Variants in DUOX1 observed in about 807,000 individuals in gnomAD.
DUOX1 encodes the protein NADPH thyroid oxidase 1.
In DUOX1, 134 loss-of-function variants were observed where a neutral mutation model predicts 181.8. That is an observed-to-expected ratio of 0.74 (90% CI 0.64 to 0.85). The LOEUF is 0.85. DUOX1 is among the 40% of genes least tolerant of loss of function. DUOX1 has a pLI of 0.00. For missense variants in DUOX1, 1,814 were observed against 2,064.4 expected (o/e 0.88, Z 2.35); for synonymous variants, 798 against 832.5 (o/e 0.96, Z 0.71).
intron 28 of DUOX1, among the ~76,000 whole-genome samples, chr15:45,159,700 G>T (rs1197375256): frequency 6.6e-6 from 1 of 152,198 alleles, no homozygotes; most frequent in Non-Finnish European, 1.5e-5. Context: ...TCTTAGCCTG[G>T]AAAAGGAGAG....
chr15:45,162,444 C>A (rs755831206), intron 31 of DUOX1, 67 bp downstream of exon 31: 51 of 1,557,442 alleles, frequency 3.3e-5, no homozygotes, highest in Non-Finnish European at 4.4e-5. Flanking sequence ...CCCATCTGTG[C>A]CTTTCTCCTC....
Position 45,152,274 on chromosome 15 carries a change from C to A in DUOX1, c.3194-12C>A. ...ACTGACCCTCGCTTGCCTGCCTGGG[C>A]CCCCTCCACAGACTACGCCTTTGCC... is the stretch of plus-strand genomic sequence containing the variant. On this transcript the variant is annotated splice_polypyrimidine_tract_variant and intron_variant, in intron 24 of 33. Coordinates refer to ENST00000389037, the MANE Select transcript of DUOX1 (RefSeq NM_175940.3). 6.2e-7 allele frequency: 1 copy of A among 1,610,070 alleles called. No homozygotes were observed. The highest frequency in any genetic ancestry group is 8.5e-7 in the Non-Finnish European group (1 of 1,177,478).
intron 9 of DUOX1, among the ~76,000 whole-genome samples, chr15:45,137,529 T>C (rs1896356725): frequency 6.6e-6 from 1 of 152,142 alleles, no homozygotes; most frequent in Non-Finnish European, 1.5e-5. Context: ...CCTGATGATG[T>C]CTGAGAAATA....
intron 18 of DUOX1, among the ~76,000 whole-genome samples, chr15:45,146,794 G>A (rs535153323): frequency 6.6e-6 from 1 of 152,308 alleles, no homozygotes; most frequent in Non-Finnish European, 1.5e-5. Flanking sequence ...GGAAAGACAG[G>A]TACTGTGGCC....
At chr15:45,142,191 C>G in intron 15 of DUOX1, 79 bp downstream of exon 15, 1 of 1,427,930 alleles carries the variant, frequency 7.0e-7, no homozygotes, top group Non-Finnish European at 9.7e-7. Flanking sequence ...CTAATGACAA[C>G]AAACCACGCA....
intron 5 of DUOX1, 24 bp downstream of exon 5, chr15:45,135,315 A>G (rs1385624175): frequency 3.8e-6 from 6 of 1,575,066 alleles, no homozygotes; most frequent in Non-Finnish European, 5.2e-6. Context: ...GGCGGCGGGA[A>G]GGGACCGCAC....
At chr15:45,149,524 A>ATT (rs3837721) in intron 21 of DUOX1, among the ~76,000 whole-genome samples, 1 of 151,930 alleles carries the variant, frequency 6.6e-6, no homozygotes, top group Non-Finnish European at 1.5e-5. Context: ...TTGACTCCAG[A>ATT]TTTTTTTTAT....
intron 30 of DUOX1, 72 bp from the exon 31 acceptor site, chr15:45,162,147 T>G: frequency 1.3e-6 from 2 of 1,557,330 alleles, no homozygotes; most frequent in Non-Finnish European, 1.7e-6. Context: ...CTACCTTTCC[T>G]TTTCTCTCAT....
chr15:45,159,168 G>A, intron 28 of DUOX1, among the ~76,000 whole-genome samples: 1 of 152,366 alleles, frequency 6.6e-6, no homozygotes, highest in Admixed American at 6.5e-5. Flanking sequence ...AGGGCATTAG[G>A]TGGTGGCAGG....
chr15:45,152,236 C>T, intron 24 of DUOX1, 50 bp from the exon 25 acceptor site: 1 of 1,555,982 alleles, frequency 6.4e-7, no homozygotes, highest in Non-Finnish European at 8.7e-7. Flanking sequence ...CTAACCAGCT[C>T]TCTGTCCTCT....
rs777192034 is a variant in DUOX1 at position 45,139,388 on chromosome 15, C to T, written c.1217-39C>T. On this transcript the variant is annotated intron_variant, in intron 11 of 33. Transcript: ENST00000389037. ...CCTGGACTGGACACTGCTGTGGTGG[C>T]CCTGAGCTCCCTCAGACTGTCTGGT... 3.1e-6 allele frequency: 5 copies of T among 1,603,398 alleles called. 1 individual carries two copies. In the South Asian group the frequency reaches 5.6e-5, roughly 18 times the overall value.
chr15:45,147,469 C>T lies in DUOX1; in HGVS notation c.2359C>T (p.Pro787Ser), dbSNP rs756073462. The change falls in exon 19 of 34, where the codon CCC becomes TCC. Residue 787 changes from proline to serine, a missense_variant. Physicochemically the swap from Pro to Ser is moderately conservative, Grantham distance 74 (BLOSUM62 -1). Coordinates refer to ENST00000389037, the MANE Select transcript of DUOX1 (RefSeq NM_175940.3). ...CAACCAGGCCGACGCAGGGACCCTG[C>T]CCCTGGACTCCTCCCAGAAGGTGCG... ...DINQADAGTL[P>S]LDSSQKVREA... is the part of the protein sequence containing the mutation. 20 of 1,613,900 alleles carry T rather than the reference C, an allele frequency of 1.2e-5. 1 individual carries two copies. In the South Asian group the frequency reaches 2.2e-4, roughly 18 times the overall value.
chr15:45,139,787 C>A, intron 12 of DUOX1, 188 bp downstream of exon 12: 1 of 726,258 alleles, frequency 1.4e-6, no homozygotes, highest in Non-Finnish European at 2.2e-6. Flanking sequence ...CAAGATTTGG[C>A]TTTGCACTCG....
chr15:45,148,117 C>T lies in DUOX1; in HGVS notation c.2642+120C>T. ...GGAAGCCTCCTCCTTACCCATGTAA[C>T]CAGAGGCTGTTCAAACTAGCAGGGG... On this transcript the variant is annotated intron_variant, in intron 20 of 33. Coordinates refer to ENST00000389037, the MANE Select transcript of DUOX1 (RefSeq NM_175940.3). 2.8e-6 allele frequency: 4 copies of T among 1,422,858 alleles called. No homozygotes were observed. In the South Asian group the frequency reaches 4.7e-5, roughly 17 times the overall value. The allele number at this position is 1,422,858 out of a possible 1,614,324, so 88.1% of individuals were successfully genotyped here. A position where few individuals can be genotyped will look rare whatever the true frequency, so the allele number is the denominator to read the frequency against.
rs544840824 is a variant in DUOX1 at position 45,136,609 on chromosome 15, C to G, written c.1006C>G (p.Pro336Ala). Residue 336 changes from proline (P) to alanine (A), a missense_variant, in exon 9 of 34, where the codon CCT (proline) becomes GCT (alanine). Pro to Ala is a conservative substitution (Grantham distance 27, BLOSUM62 -1). This residue lies in a region of DUOX1 where 1,064 missense variants were observed against 1,152.9 expected (regional missense o/e 0.92). Transcript: ENST00000389037. The part of the protein sequence containing the change: ...SEQFLSTMVP[P>A]GVYMRNASCH... ...GCAGTTCCTGTCCACCATGGTGCCCCCTGGCGTCTACATGAGGTGAGGGAG... is the reference window on the plus strand; with the variant it reads ...GCAGTTCCTGTCCACCATGGTGCCCGCTGGCGTCTACATGAGGTGAGGGAG... 6.2e-7 allele frequency: 1 copy of G among 1,614,076 alleles called. No individual in the cohort carries two copies. The highest frequency in any genetic ancestry group is 1.7e-5 in the Admixed American group (1 of 60,026).
Position 45,150,655 on chromosome 15 carries a change from A to G in DUOX1, c.2842A>G (p.Lys948Glu). The stretch of plus-strand genomic sequence containing the variant: ...AGGGGTGGAGGTGCCTGAAGTCATC[A>G]AGGACCTCTGCCGGCGAGCCTCCTA... ...VKGVEVPEVI[K>E]DLCRRASYIS... is the part of the protein sequence containing the mutation. Residue 948 changes from lysine (K) to glutamate (E), a missense_variant, in exon 22 of 34, where the codon AAG becomes GAG. Physicochemically the swap from Lys to Glu is moderately conservative, Grantham distance 56. Coordinates refer to ENST00000389037, the MANE Select transcript of DUOX1 (RefSeq NM_175940.3). 1 of 1,613,964 alleles carries G rather than the reference A, an allele frequency of 6.2e-7. No individual in the cohort carries two copies. The highest frequency in any genetic ancestry group is 1.1e-5 in the South Asian group (1 of 91,078).
intron 31 of DUOX1, 88 bp from the exon 32 acceptor site, chr15:45,163,444 G>C: frequency 2.1e-5 from 33 of 1,565,502 alleles, no homozygotes; most frequent in Non-Finnish European, 2.9e-5. Context: ...GCTAGCTGTG[G>C]TCAGAAGAGT....
At chr15:45,164,701 G>C in intron 33 of DUOX1, 78 bp from the exon 34 acceptor site, 1 of 1,549,594 alleles carries the variant, frequency 6.5e-7, no homozygotes, top group African/African-American at 1.4e-5. Flanking sequence ...GAACTAGGGA[G>C]CTACCCCTTC....
chr15:45,142,194 AC>A, intron 15 of DUOX1, 82 bp downstream of exon 15: 1 of 1,440,546 alleles, frequency 6.9e-7, no homozygotes. Flanking sequence ...ATGACAACAA[AC>A]CACGCAAACC....
Sources: gnomAD v4.1 joint callset for allele counts (sites outside exome capture counted in the v4.1 genomes callset) on GRCh38, gnomAD v4.1.1 for gene constraint, gnomAD v4.1.1 regional missense constraint, MANE v1.5 for transcripts, NCBI Gene and HGNC (gene_info 2026-07-23, HGNC 2026-07-21) for gene names.